The following NARF variants were observed in gnomAD, a reference collection of about 807,000 sequenced individuals.
NARF encodes the protein iron-only hydrogenase-like protein 2.
In NARF, 41 loss-of-function variants were observed where a neutral mutation model predicts 48.0. The observed-to-expected ratio is 0.85, with a 90% CI of 0.66 to 1.11. The LOEUF (loss-of-function observed/expected upper bound fraction) is 1.11, where lower values mean the gene tolerates loss of function less well. Among genes scored for constraint, NARF ranks in the 50% least tolerant of loss-of-function variants. NARF has a pLI of 0.00. For synonymous variants in NARF, 215 were observed against 225.5 expected, an observed-to-expected ratio of 0.95 and a Z score of 0.42; for missense variants, 613 against 590.2, an observed-to-expected ratio of 1.04 and a Z score of -0.40.
intron 7 of NARF, chr17:82,481,664 A>G: frequency 2.7e-6 from 1 of 374,436 alleles, no homozygotes; most frequent in Non-Finnish European, 5.1e-6. Context: ...CGGGAGGCAG[A>G]GGTTGCAGTA....
In NARF at chr17:82,460,078, T is replaced by C; in HGVS notation, c.108+6T>C. On this transcript the variant is annotated splice_donor_region_variant and intron_variant, in intron 2 of 10. Coordinates refer to ENST00000309794, the MANE Select transcript of NARF (RefSeq NM_012336.4). The stretch of plus-strand genomic sequence containing the variant: ...CAGCCCAGGAAAATGGAGAGGCAAG[T>C]AGATTTTTCAGTTTTGTATCAGCCC... 4 of 1,612,938 alleles carry C rather than the reference T, an allele frequency of 2.5e-6. No individual in the cohort carries two copies. The highest frequency in any genetic ancestry group is 3.4e-6 in the Non-Finnish European group (4 of 1,179,218).
In NARF at chr17:82,481,126, T is replaced by TG; in HGVS notation, c.684_685insG (p.Tyr229ValfsTer2). 4 of 1,614,094 alleles carry TG rather than the reference T, an allele frequency of 2.5e-6. No individual in the cohort carries two copies. The highest frequency in any genetic ancestry group is 3.4e-6 in the Non-Finnish European group (4 of 1,180,010). ...TTTTCCACGTCATTGTGGCCCCTTGTTATGACAAGAAGCTGGAGGCTCTTC... is the reference window on the plus strand; with the variant it reads ...TTTTCCACGTCATTGTGGCCCCTTGTGTATGACAAGAAGCTGGAGGCTCTTC... On this transcript the variant is annotated frameshift_variant, in exon 7 of 11. Transcript: ENST00000309794. LOFTEE classifies it high-confidence loss of function.
chr17:82,481,293 T>C (rs2043959824), intron 7 of NARF, 82 bp downstream of exon 7: 1 of 1,575,628 alleles, frequency 6.3e-7, no homozygotes, highest in Non-Finnish European at 8.6e-7. Flanking sequence ...CAGATCTGTG[T>C]CCCAGAGCCA....
intron 5 of NARF, chr17:82,476,511 G>C (rs2043835499): frequency 6.5e-6 from 1 of 153,064 alleles, no homozygotes; most frequent in Admixed American, 6.5e-5. Context: ...GAGTGCAGTG[G>C]CGTGATCTCG....
chr17:82,471,831 T>C, intron 4 of NARF, among the ~76,000 whole-genome samples: 1 of 150,668 alleles, frequency 6.6e-6, no homozygotes, highest in Non-Finnish European at 1.5e-5. Context: ...TTCTATACTT[T>C]TACTGTACGT....
At chr17:82,468,566 T>C (rs1333087497) in intron 3 of NARF, 198 bp from the exon 4 acceptor site, 7 of 549,616 alleles carry the variant, frequency 1.3e-5, no homozygotes, top group South Asian at 5.3e-5. Context: ...TAAAAAAATA[T>C]TTACCAGAAG....
At chr17:82,485,424 A>G in intron 9 of NARF, 73 bp from the exon 10 acceptor site, 1 of 1,546,552 alleles carries the variant, frequency 6.5e-7, no homozygotes, top group Non-Finnish European at 8.8e-7. Flanking sequence ...CCGTCTCAAA[A>G]AAAAAAAGGA....
At chr17:82,475,357 T>C (rs1440392894) in intron 5 of NARF, among the ~76,000 whole-genome samples, 1 of 152,158 alleles carries the variant, frequency 6.6e-6, no homozygotes, top group Non-Finnish European at 1.5e-5. Flanking sequence ...TCCCAGCACT[T>C]TGGGAGGCCG....
Position 82,488,067 on chromosome 17 carries a change from G to C in NARF, c.1281G>C (p.Glu427Asp), listed in dbSNP as rs765439773. The change falls in exon 11 of 11, where the codon GAG becomes GAC. Residue 427 changes from glutamate to aspartate, a missense_variant. Glu to Asp is a conservative substitution (Grantham distance 45). Transcript: ENST00000309794. ...HVQELYQEWL[E>D]GINSPKAREV... ...AGGAGCTGTACCAGGAGTGGCTGGA[G>C]GGGATCAACTCCCCCAAGGCCCGAG... 2 of 1,614,098 alleles carry C rather than the reference G, an allele frequency of 1.2e-6. No individual in the cohort carries two copies. The highest frequency in any genetic ancestry group is 3.3e-5 in the Admixed American group (2 of 60,022).
At position 82,488,585 on chromosome 17, in the gene NARF, G is replaced by A. The variant is rs896403543; in HGVS notation, c.*428G>A. On this transcript the variant is annotated 3_prime_UTR_variant, in exon 11 of 11. Transcript: ENST00000309794. ...AGATGGGGTTTCACTATGTTGGCCA[G>A]GCTGGTATTGAATTCCTGACCTCCT... 15 of 165,934 alleles carry A rather than the reference G, an allele frequency of 9.0e-5. No homozygotes were observed. The highest frequency in any genetic ancestry group is 2.0e-4 in the Non-Finnish European group (15 of 75,152). The allele number at this position is 165,934 out of a possible 1,614,324, so 10.3% of individuals were successfully genotyped here. A position where few individuals can be genotyped will look rare whatever the true frequency, so the allele number is the denominator to read the frequency against.
chr17:82,483,872 T>C (rs948801420), intron 8 of NARF, 93 bp downstream of exon 8: 1 of 1,207,332 alleles, frequency 8.3e-7, no homozygotes, highest in Non-Finnish European at 1.2e-6. Context: ...CCCTGCTTTA[T>C]GACGAGGCCA....
chr17:82,479,036 A>C (rs2043901505), intron 6 of NARF, 118 bp downstream of exon 6: 1 of 869,420 alleles, frequency 1.2e-6, no homozygotes, highest in Admixed American at 2.8e-5. Flanking sequence ...AGGTGAGCAA[A>C]AAGGAAGCTG....
intron 10 of NARF, 67 bp downstream of exon 10, chr17:82,485,721 C>A: frequency 6.3e-7 from 1 of 1,575,636 alleles, no homozygotes; most frequent in Non-Finnish European, 8.7e-7. Context: ...GGTCCTGCAG[C>A]TGCCAGAGAG....
upstream of NARF, chr17:82,458,695 C>A (rs1171988945): frequency 7.3e-6 from 10 of 1,366,502 alleles, no homozygotes; most frequent in African/African-American, 1.5e-5. Context: ...GGGGTGAGGC[C>A]GCGTCGGGGG....
At chr17:82,483,646 C>G in intron 7 of NARF, 70 bp from the exon 8 acceptor site, 16 of 1,463,614 alleles carry the variant, frequency 1.1e-5, no homozygotes, top group East Asian at 2.3e-5. Flanking sequence ...AATGTCAAAT[C>G]TCCTGCAGGG....
chr17:82,483,354 C>A, intron 7 of NARF: 2 of 300,638 alleles, frequency 6.7e-6, no homozygotes, highest in Non-Finnish European at 1.3e-5. Flanking sequence ...TATATTTCAT[C>A]ATCCTATCTC....
At position 82,490,299 on chromosome 17, in the gene NARF, C is replaced by G. The variant is rs565641002; in HGVS notation, c.*2142C>G. 6.6e-6 allele frequency: 1 copy of G among 152,284 alleles called. No individual in the cohort carries two copies. The highest frequency in any genetic ancestry group is 1.5e-5 in the Non-Finnish European group (1 of 68,090). The allele number at this position is 152,284 out of a possible 1,614,324, so 9.4% of individuals were successfully genotyped here. A position where few individuals can be genotyped will look rare whatever the true frequency, so the allele number is the denominator to read the frequency against. On this transcript the variant is annotated 3_prime_UTR_variant, in exon 11 of 11. Coordinates refer to ENST00000309794, the MANE Select transcript of NARF (RefSeq NM_012336.4). ...CTGAAGCACTGGGATTGGATTAACT[C>G]GAGCGATGGCCTTCCCAGCCCTCCG...
rs1384495305 is a variant in NARF at position 82,484,788 on chromosome 17, A to ACTTGTATTTTCTCTGC, written c.834-19_834-4dup. 8 of 1,563,544 alleles carry ACTTGTATTTTCTCTGC rather than the reference A, an allele frequency of 5.1e-6. No individual in the cohort carries two copies. The South Asian group carries it at 8.3e-5, about 16-fold the overall frequency. ...CACTGTACGTCAGCATTCATGAAGG[A>ACTTGTATTTTCTCTGC]CTTGTATTTTCTCTGCCTTGTGAGG... On this transcript the variant is annotated intron_variant, in intron 8 of 10. Coordinates refer to ENST00000309794, the MANE Select transcript of NARF (RefSeq NM_012336.4).
chr17:82,459,991 G>C lies in NARF; in HGVS notation c.28-1G>C. On this transcript the variant is annotated splice_acceptor_variant, in intron 1 of 10. Coordinates refer to ENST00000309794, the MANE Select transcript of NARF (RefSeq NM_012336.4). LOFTEE classifies it high-confidence loss of function. ...TGATAATGTTCCTTTGCTTTTTTAAGGAATGTAGTAAGAAAACAAAAACTG... is the reference window on the plus strand; with the variant it reads ...TGATAATGTTCCTTTGCTTTTTTAACGAATGTAGTAAGAAAACAAAAACTG... 1 of 1,612,634 alleles carries C rather than the reference G, an allele frequency of 6.2e-7. No individual in the cohort carries two copies. The highest frequency in any genetic ancestry group is 1.1e-5 in the South Asian group (1 of 90,810).
Sources: allele counts gnomAD v4.1 joint callset (sites outside exome capture counted in the v4.1 genomes callset), GRCh38; gene constraint gnomAD v4.1.1; transcripts MANE v1.5; gene names NCBI Gene and HGNC (gene_info 2026-07-23, HGNC 2026-07-21).